The following MOB3B variants were observed in gnomAD, a reference collection of about 807,000 sequenced individuals.
The protein encoded by MOB3B is MOB kinase activator-like 2B.
A neutral mutation model predicts 18.7 loss-of-function variants in MOB3B; 7 were observed. The ratio of observed to expected loss-of-function variants is 0.37; its 90% confidence interval spans 0.21 to 0.70. The LOEUF is 0.70. Among genes scored for constraint, MOB3B ranks in the 30% least tolerant of loss-of-function variants. The probability of loss-of-function intolerance (pLI) is 0.52; values close to 1 mark genes in which losing one functional copy is unlikely to be tolerated. For missense variants in MOB3B, 253 were observed against 281.3 expected, an observed-to-expected ratio of 0.90 and a Z score of 0.72; for synonymous variants, 111 against 99.9, an observed-to-expected ratio of 1.11 and a Z score of -0.66.
intron 3 of MOB3B, among the ~76,000 whole-genome samples, chr9:27,343,796 A>T (rs921073687): frequency 6.7e-6 from 1 of 150,262 alleles, no homozygotes; most frequent in Non-Finnish European, 1.5e-5. Flanking sequence ...TGTGGAATGC[A>T]TTGAAAATTG....
intron 3 of MOB3B, among the ~76,000 whole-genome samples, chr9:27,351,642 A>G (rs796835214): frequency 1.3e-5 from 2 of 152,212 alleles, no homozygotes; most frequent in South Asian, 2.1e-4. Flanking sequence ...AAGCCCCACA[A>G]TGGCTCTTCA....
At chr9:27,364,178 C>T (rs1189920096) in intron 2 of MOB3B, among the ~76,000 whole-genome samples, 3 of 152,188 alleles carry the variant, frequency 2.0e-5, no homozygotes, top group Non-Finnish European at 4.4e-5. Context: ...ACTTGGCTAG[C>T]TACAATGGCA....
chr9:27,435,428 A>G (rs1006575943), intron 2 of MOB3B, among the ~76,000 whole-genome samples: 5 of 152,146 alleles, frequency 3.3e-5, no homozygotes, highest in Admixed American at 6.6e-5. Flanking sequence ...AAGGTAGAGT[A>G]GAGAGAAAAA....
At chr9:27,512,112 C>A (rs1312656641) in intron 1 of MOB3B, among the ~76,000 whole-genome samples, 1 of 152,132 alleles carries the variant, frequency 6.6e-6, no homozygotes, top group Non-Finnish European at 1.5e-5. Context: ...ATAAAGGAAA[C>A]CACATGGAAG....
intron 3 of MOB3B, among the ~76,000 whole-genome samples, chr9:27,348,560 G>A (rs1257430475): frequency 6.6e-6 from 1 of 152,004 alleles, no homozygotes; most frequent in Non-Finnish European, 1.5e-5. Context: ...GGCTGAGGCA[G>A]GAGAATCGCT....
intron 1 of MOB3B, among the ~76,000 whole-genome samples, chr9:27,479,176 G>A (rs1175960193): frequency 6.6e-6 from 1 of 152,142 alleles, no homozygotes; most frequent in Non-Finnish European, 1.5e-5. Flanking sequence ...AAGTCCAAGA[G>A]CAAGGCACCA....
intron 2 of MOB3B, among the ~76,000 whole-genome samples, chr9:27,405,785 T>C (rs28802945): frequency 0.038 from 5,840 of 152,150 alleles, 324 homozygotes; most frequent in African/African-American, 0.13. Context: ...TGCAAATCAA[T>C]ACATGTGATA....
chr9:27,496,599 A>G (rs1819904127), intron 1 of MOB3B, among the ~76,000 whole-genome samples: 1 of 152,118 alleles, frequency 6.6e-6, no homozygotes, highest in Non-Finnish European at 1.5e-5. Context: ...GAATAATAGG[A>G]CTCCAATAAA....
chr9:27,475,589 T>C (rs981392886), intron 1 of MOB3B, among the ~76,000 whole-genome samples: 3 of 152,214 alleles, frequency 2.0e-5, no homozygotes, highest in African/African-American at 7.2e-5. Flanking sequence ...TATATCTGTA[T>C]TGATATGAAA....
chr9:27,407,984 C>T (rs1484652369), intron 2 of MOB3B, among the ~76,000 whole-genome samples: 2 of 152,182 alleles, frequency 1.3e-5, no homozygotes, highest in Non-Finnish European at 1.5e-5. Flanking sequence ...GGTATCTCCA[C>T]TGAATCCTCA....
chr9:27,435,988 A>G lies in MOB3B; in HGVS notation c.418+19145T>C, dbSNP rs185257796. On this transcript the variant is annotated intron_variant, in intron 2 of 3. Coordinates refer to ENST00000262244, the MANE Select transcript of MOB3B (RefSeq NM_024761.5). ...ACTCCAGCCTCACTCATTGCACAGT[A>G]CTCACACTTTCCTTCTTTTAGTCCT... Among the ~76,000 whole-genome samples, 955 of 152,136 alleles carry G rather than the reference A, an allele frequency of 6.3e-3. 7 individuals carry two copies. Among genetic ancestry groups the G allele is most frequent in the Non-Finnish European group, 9.4e-3 (638 of 67,972 alleles).
At chr9:27,480,119 G>GAGGA (rs1190637175) in intron 1 of MOB3B, among the ~76,000 whole-genome samples, 1 of 150,402 alleles carries the variant, frequency 6.6e-6, no homozygotes, top group African/African-American at 2.4e-5. Context: ...CAGGGGAAAT[G>GAGGA]AGGAAGGAAA....
In MOB3B at chr9:27,419,154, A is replaced by G. The variant is rs1261559577; in HGVS notation, c.418+35979T>C. On this transcript the variant is annotated intron_variant, in intron 2 of 3. Coordinates refer to ENST00000262244, the MANE Select transcript of MOB3B (RefSeq NM_024761.5). Reference sequence around the variant, plus strand: ...ACAAAACCCTGCTGAAAGAAATCATAGATGACACAAACATATGGAAACTCA... The same window carrying G: ...ACAAAACCCTGCTGAAAGAAATCATGGATGACACAAACATATGGAAACTCA... Among the ~76,000 whole-genome samples, 13 of 152,254 alleles carry G rather than the reference A, an allele frequency of 8.5e-5. No homozygotes were observed. The South Asian group carries it at 1.7e-3, about 19-fold the overall frequency.
intron 2 of MOB3B, chr9:27,391,681 C>T (rs1821730337): frequency 6.6e-6 from 1 of 152,208 alleles, no homozygotes; most frequent in Non-Finnish European, 1.5e-5. Flanking sequence ...TATAGCACAG[C>T]CTACACTTCC....
chr9:27,369,950 T>G (rs886733617), intron 2 of MOB3B, among the ~76,000 whole-genome samples: 36 of 151,874 alleles, frequency 2.4e-4, no homozygotes, highest in African/African-American at 8.5e-4. Flanking sequence ...TTTTTTTTTT[T>G]TTTTTGTCTC....
At chr9:27,427,312 A>T (rs1320318603) in intron 2 of MOB3B, among the ~76,000 whole-genome samples, 3 of 152,226 alleles carry the variant, frequency 2.0e-5, no homozygotes, top group East Asian at 1.9e-4. Context: ...CCCAAAGAGC[A>T]TCTGGTTACC....
At chr9:27,437,290 G>T (rs1373989015) in intron 2 of MOB3B, among the ~76,000 whole-genome samples, 1 of 152,170 alleles carries the variant, frequency 6.6e-6, no homozygotes, top group Non-Finnish European at 1.5e-5. Context: ...TTGGCATTAA[G>T]ACCTCTTAGA....
At chr9:27,433,534 C>G (rs1822448189) in intron 2 of MOB3B, among the ~76,000 whole-genome samples, 1 of 152,114 alleles carries the variant, frequency 6.6e-6, no homozygotes. Context: ...TGCCTTCTAC[C>G]TTAAAAAGAG....
chr9:27,517,974 C>T (rs961166203), intron 1 of MOB3B, among the ~76,000 whole-genome samples: 6 of 152,076 alleles, frequency 3.9e-5, no homozygotes, highest in Non-Finnish European at 8.8e-5. Flanking sequence ...CCACTTAGTC[C>T]ACCCCCTTGC....
Sources: allele counts gnomAD v4.1 joint callset (sites outside exome capture counted in the v4.1 genomes callset), GRCh38; gene constraint gnomAD v4.1.1; transcripts MANE v1.5; gene names NCBI Gene and HGNC (gene_info 2026-07-23, HGNC 2026-07-21).